The following XKR4 variants were observed in gnomAD, a reference collection of about 807,000 sequenced individuals.
The protein encoded by XKR4 is XK related 4.
A neutral mutation model predicts 53.9 loss-of-function variants in XKR4; 12 were observed. The ratio of observed to expected loss-of-function variants is 0.22; its 90% CI spans 0.14 to 0.36. The LOEUF (loss-of-function observed/expected upper bound fraction) is 0.36, where lower values mean the gene tolerates loss of function less well. Ranked by LOEUF, XKR4 falls within the 10% of genes least tolerant of loss-of-function variation. XKR4 has a pLI of 1.00. For missense variants in XKR4, 799 were observed against 859.5 expected (o/e 0.93, Z 0.88); for synonymous variants, 354 against 362.4 (o/e 0.98, Z 0.26).
chr8:55,275,276 TATATC>T (rs1323450249), intron 1 of XKR4, among the ~76,000 whole-genome samples: 1 of 152,206 alleles, frequency 6.6e-6, no homozygotes, highest in Admixed American at 6.5e-5. Flanking sequence ...AAGTCTATCT[TATATC>T]CTATTGTTAC....
chr8:55,461,255 A>C (rs1656190805), intron 2 of XKR4, among the ~76,000 whole-genome samples: 1 of 152,210 alleles, frequency 6.6e-6, no homozygotes, highest in African/African-American at 2.4e-5. Context: ...TCACAAAGCC[A>C]GGTACTCCTG....
At chr8:55,193,374 A>G (rs1180257224) in intron 1 of XKR4, among the ~76,000 whole-genome samples, 2 of 151,830 alleles carry the variant, frequency 1.3e-5, no homozygotes, top group African/African-American at 2.4e-5. Flanking sequence ...ACCCCACTGC[A>G]TGCATCTTTC....
intron 1 of XKR4, among the ~76,000 whole-genome samples, chr8:55,200,129 A>G (rs1817560477): frequency 6.6e-6 from 1 of 152,100 alleles, no homozygotes; most frequent in South Asian, 2.1e-4. Context: ...TAGTGGCACA[A>G]TCTCGGCTCA....
intron 1 of XKR4, among the ~76,000 whole-genome samples, chr8:55,332,047 T>C (rs1480340199): frequency 6.6e-6 from 1 of 152,156 alleles, no homozygotes; most frequent in Non-Finnish European, 1.5e-5. Flanking sequence ...CCTTAGTATT[T>C]AGTTGATTTT....
chr8:55,490,833 G>A (rs1448142254), intron 2 of XKR4, among the ~76,000 whole-genome samples: 1 of 151,868 alleles, frequency 6.6e-6, no homozygotes, highest in Admixed American at 6.6e-5. Context: ...CATGCTTGTG[G>A]TTTGTTTTTT....
At chr8:55,449,903 A>T in intron 2 of XKR4, 1 of 883,490 alleles carries the variant, frequency 1.1e-6, no homozygotes, top group Non-Finnish European at 1.9e-6. Flanking sequence ...GCCTGGCGGG[A>T]GCCAGATGCG....
At chr8:55,303,392 G>T (rs578203151) in intron 1 of XKR4, among the ~76,000 whole-genome samples, 1 of 151,348 alleles carries the variant, frequency 6.6e-6, no homozygotes, top group East Asian at 1.9e-4. Context: ...TGCTGGATTC[G>T]GTTTGCCAGT....
rs4272353 is a variant in XKR4 at position 55,225,354 on chromosome 8, G to A, written c.806+122060G>A. 3.8e-4 allele frequency among the ~76,000 whole-genome samples: 58 copies of A among 152,100 alleles called. 1 individual carries two copies. The East Asian group carries it at 5.8e-3, about 15-fold the overall frequency. On this transcript the variant is annotated intron_variant, in intron 1 of 2. Coordinates refer to ENST00000327381, the MANE Select transcript of XKR4 (RefSeq NM_052898.2). ...CACAATTGTAATATTTAGAAATTAC[G>A]CTTTAGGTGGGATAGATTATATAAA... is the stretch of plus-strand genomic sequence containing the variant.
At chr8:55,260,873 G>A (rs1292177977) in intron 1 of XKR4, among the ~76,000 whole-genome samples, 1 of 152,190 alleles carries the variant, frequency 6.6e-6, no homozygotes, top group Non-Finnish European at 1.5e-5. Context: ...CTGGTCCCAG[G>A]TAGCCTTTTC....
chr8:55,212,553 C>A (rs1232336602), intron 1 of XKR4, among the ~76,000 whole-genome samples: 1 of 152,122 alleles, frequency 6.6e-6, no homozygotes, highest in Non-Finnish European at 1.5e-5. Flanking sequence ...ACCATCTATT[C>A]CCATCATGGC....
chr8:55,356,773 CA>C (rs1803801734), intron 1 of XKR4, among the ~76,000 whole-genome samples: 2 of 152,132 alleles, frequency 1.3e-5, no homozygotes, highest in Admixed American at 6.5e-5. Context: ...TTGAACAATA[CA>C]AGTTTGAACT....
Position 55,132,824 on chromosome 8 carries a change from G to A in XKR4, c.806+29530G>A, listed in dbSNP as rs568330952. ...TAGAATTCTACTAAAAGGAATGGGC[G>A]TCCGAGGCCCAGGATCAGGTGAGTT... is the stretch of plus-strand genomic sequence containing the variant. On this transcript the variant is annotated intron_variant, in intron 1 of 2. Transcript: ENST00000327381. Among the ~76,000 whole-genome samples the A allele has an allele frequency of 2.0e-5, 3 of 152,278 alleles. No homozygotes were observed. The East Asian group carries it at 5.8e-4, about 29-fold the overall frequency.
At chr8:55,292,130 A>G (rs1819030294) in intron 1 of XKR4, among the ~76,000 whole-genome samples, 2 of 152,126 alleles carry the variant, frequency 1.3e-5, no homozygotes, top group Admixed American at 6.6e-5. Flanking sequence ...ATGTTGGCCT[A>G]TAGTTTTTCC....
At chr8:55,131,209 T>G (rs1477453176) in intron 1 of XKR4, among the ~76,000 whole-genome samples, 1 of 132,248 alleles carries the variant, frequency 7.6e-6, no homozygotes, top group Non-Finnish European at 1.7e-5. Flanking sequence ...GAGCCACGCC[T>G]CAAATCCATT....
At chr8:55,106,327 G>A (rs1246968834) in intron 1 of XKR4, among the ~76,000 whole-genome samples, 2 of 152,250 alleles carry the variant, frequency 1.3e-5, no homozygotes, top group Non-Finnish European at 2.9e-5. Context: ...ACTGCTAAAA[G>A]CAATGATACA....
At chr8:55,443,567 G>A (rs1311572389) in intron 2 of XKR4, among the ~76,000 whole-genome samples, 6 of 144,952 alleles carry the variant, frequency 4.1e-5, no homozygotes, top group African/African-American at 1.5e-4. Flanking sequence ...CAGAAGGAGG[G>A]GAGCAGTGGC....
intron 1 of XKR4, among the ~76,000 whole-genome samples, chr8:55,149,233 T>C (rs1453648890): frequency 6.6e-6 from 1 of 152,240 alleles, no homozygotes; most frequent in Non-Finnish European, 1.5e-5. Flanking sequence ...CTATCCTGAT[T>C]GTCCCTCATA....
At chr8:55,391,165 C>G (rs1212857162) in intron 2 of XKR4, among the ~76,000 whole-genome samples, 1 of 152,178 alleles carries the variant, frequency 6.6e-6, no homozygotes, top group African/African-American at 2.4e-5. Flanking sequence ...AACAGGAGCT[C>G]CCATGTATGG....
intron 2 of XKR4, among the ~76,000 whole-genome samples, chr8:55,435,519 GCT>G (rs970889986): frequency 1.6e-4 from 24 of 150,548 alleles, no homozygotes; most frequent in Middle Eastern, 3.4e-3. Flanking sequence ...CCTTTTTATA[GCT>G]TTGCCTACAG....
Sources: gnomAD v4.1 joint callset for allele counts (sites outside exome capture counted in the v4.1 genomes callset) on GRCh38, gnomAD v4.1.1 for gene constraint, MANE v1.5 for transcripts, NCBI Gene and HGNC (gene_info 2026-07-23, HGNC 2026-07-21) for gene names.